MOSMO: variants seen among roughly 807,000 people sequenced by gnomAD.
The protein encoded by MOSMO is modulator of smoothened protein.
In MOSMO, 5 loss-of-function variants were observed where a neutral mutation model predicts 18.4. That is an observed-to-expected ratio of 0.27 (90% CI 0.14 to 0.57). The LOEUF (loss-of-function observed/expected upper bound fraction) is 0.57, where lower values mean the gene tolerates loss of function less well. MOSMO is among the 20% of genes least tolerant of loss of function. The pLI is 0.92. For missense variants in MOSMO, 138 were observed against 211.8 expected (o/e 0.65, Z 2.16); for synonymous variants, 82 against 82.3 (o/e 1.00, Z 0.02).
intron 1 of MOSMO, among the ~76,000 whole-genome samples, chr16:22,043,626 C>T (rs533549302): frequency 1.3e-5 from 2 of 152,216 alleles, no homozygotes; most frequent in Admixed American, 1.3e-4. Context: ...CAGAGAAATG[C>T]AAAATTATAC....
intron 1 of MOSMO, among the ~76,000 whole-genome samples, chr16:22,012,375 G>A (rs1899550098): frequency 6.6e-6 from 1 of 152,098 alleles, no homozygotes; most frequent in African/African-American, 2.4e-5. Context: ...CCATCTCACT[G>A]GGATATTTTG....
At chr16:22,024,294 A>G (rs1899829852) in intron 1 of MOSMO, among the ~76,000 whole-genome samples, 1 of 152,042 alleles carries the variant, frequency 6.6e-6, no homozygotes, top group Admixed American at 6.6e-5. Context: ...TAGGTAGAGC[A>G]GTTGATTTGG....
chr16:22,053,798 G>A (rs772947700), intron 1 of MOSMO, among the ~76,000 whole-genome samples: 40 of 151,922 alleles, frequency 2.6e-4, no homozygotes, highest in South Asian at 4.1e-4. Flanking sequence ...GGGAGACTCC[G>A]TCTCAAAAAA....
At chr16:22,039,647 CATA>C (rs1239359717) in intron 1 of MOSMO, among the ~76,000 whole-genome samples, 1 of 152,164 alleles carries the variant, frequency 6.6e-6, no homozygotes, top group Non-Finnish European at 1.5e-5. Context: ...GCCTGGCCAA[CATA>C]ATGAGTCCTT....
chr16:22,051,203 A>G (rs1366937468), intron 1 of MOSMO, among the ~76,000 whole-genome samples: 1 of 152,098 alleles, frequency 6.6e-6, no homozygotes, highest in East Asian at 1.9e-4. Flanking sequence ...GCCTGGCAAC[A>G]TGTTGAAACC....
At chr16:22,050,494 G>A (rs1900400930) in intron 1 of MOSMO, among the ~76,000 whole-genome samples, 1 of 152,160 alleles carries the variant, frequency 6.6e-6, no homozygotes. Flanking sequence ...CTGTTAGAGG[G>A]AGAGAGTGCT....
At chr16:22,091,584 T>C (rs374127310), downstream of MOSMO, among the ~76,000 whole-genome samples, 14 of 151,952 alleles carry the variant, frequency 9.2e-5, no homozygotes, top group African/African-American at 3.4e-4. Context: ...AGAGACAGAG[T>C]CTCACTGTGT....
intron 1 of MOSMO, among the ~76,000 whole-genome samples, chr16:22,051,162 T>G (rs531582359): frequency 6.6e-6 from 1 of 152,056 alleles, no homozygotes; most frequent in African/African-American, 2.4e-5. Context: ...CCAAGACAGG[T>G]GAGTCACTTG....
chr16:22,060,694 G>A (rs1900625430), intron 1 of MOSMO, among the ~76,000 whole-genome samples: 1 of 152,068 alleles, frequency 6.6e-6, no homozygotes, highest in Non-Finnish European at 1.5e-5. Context: ...CCAACATGGT[G>A]ATACTCCATC....
the MOSMO span, chr16:22,092,553 G>A: frequency 6.6e-7 from 1 of 1,525,232 alleles, no homozygotes; most frequent in Non-Finnish European, 8.9e-7. Context: ...GTTGCTTGGA[G>A]GAGCTTGGAG....
chr16:22,013,630 A>G (rs1251096605), intron 1 of MOSMO, among the ~76,000 whole-genome samples: 1 of 152,164 alleles, frequency 6.6e-6, no homozygotes, highest in Non-Finnish European at 1.5e-5. Context: ...CAAGGATTTC[A>G]GTGACCGTAA....
chr16:22,027,832 C>G (rs908246443), intron 1 of MOSMO, among the ~76,000 whole-genome samples: 4 of 152,138 alleles, frequency 2.6e-5, no homozygotes, highest in African/African-American at 9.7e-5. Context: ...TAGCCCTTGC[C>G]TTCAGTTTCT....
chr16:22,024,076 T>G (rs550954404), intron 1 of MOSMO, among the ~76,000 whole-genome samples: 1 of 149,676 alleles, frequency 6.7e-6, no homozygotes, highest in East Asian at 2.0e-4. Context: ...ACATTCTTAA[T>G]TCTGATATAA....
chr16:22,008,346 C>G lies in MOSMO; in HGVS notation c.45C>G (p.Ala15=), dbSNP rs1436894784. 3 of 1,533,718 alleles carry G rather than the reference C, an allele frequency of 2.0e-6. No homozygotes were observed. Among genetic ancestry groups the G allele is most frequent in the Non-Finnish European group, 2.6e-6 (3 of 1,146,008 alleles). The change falls in exon 1 of 3, where the codon GCC becomes GCG. Residue 15 remains alanine (A), a synonymous_variant. Coordinates refer to ENST00000542527, the MANE Select transcript of MOSMO (RefSeq NM_001164579.2). ...TCTCAGGATGTCTCTTTCTGGCCGC[C>G]GATATCTTCGCCATCGCCAGCATCG... ...TIISGCLFLA[A]DIFAIASIAN...
At chr16:22,046,678 G>A (rs1281529528) in intron 1 of MOSMO, among the ~76,000 whole-genome samples, 2 of 152,064 alleles carry the variant, frequency 1.3e-5, no homozygotes, top group Admixed American at 1.3e-4. Context: ...ATCAGTAAAA[G>A]GCACAAAAAT....
intron 1 of MOSMO, 29 bp downstream of exon 1, chr16:22,008,436 G>A: frequency 6.7e-7 from 1 of 1,485,678 alleles, no homozygotes; most frequent in South Asian, 1.2e-5. Context: ...GGGCCGGGCG[G>A]GGGATTGGCT....
chr16:22,016,213 A>G (rs983348111), intron 1 of MOSMO, among the ~76,000 whole-genome samples: 6 of 152,144 alleles, frequency 3.9e-5, no homozygotes, highest in Admixed American at 2.0e-4. Flanking sequence ...GATTTGGGGC[A>G]TGTAATTTGA....
downstream of MOSMO, chr16:22,084,734 C>T (rs1901140242): frequency 6.6e-6 from 1 of 152,128 alleles, no homozygotes; most frequent in Non-Finnish European, 1.5e-5. Flanking sequence ...AGTGCCACTT[C>T]CATGCCTCTT....
At position 22,060,480 on chromosome 16, in the gene MOSMO, A is replaced by G. The variant is rs1380564962; in HGVS notation, c.107-15007A>G. Among the ~76,000 whole-genome samples, 4 of 152,242 alleles carry G rather than the reference A, an allele frequency of 2.6e-5. No individual in the cohort carries two copies. In the East Asian group the frequency reaches 5.8e-4, roughly 22 times the overall value. ...AAGAGACCTCTACATGCCTACCTCTACATTTTTAGAATGGCTAAAACTAGA... is the reference window on the plus strand; with the variant it reads ...AAGAGACCTCTACATGCCTACCTCTGCATTTTTAGAATGGCTAAAACTAGA... On this transcript the variant is annotated intron_variant, in intron 1 of 2. Coordinates refer to ENST00000542527, the MANE Select transcript of MOSMO (RefSeq NM_001164579.2).
Sources: gnomAD v4.1 joint callset for allele counts (sites outside exome capture counted in the v4.1 genomes callset) on GRCh38, gnomAD v4.1.1 for gene constraint, MANE v1.5 for transcripts, NCBI Gene and HGNC (gene_info 2026-07-23, HGNC 2026-07-21) for gene names.